PLXNA4: variants seen among roughly 807,000 people sequenced by gnomAD.
PLXNA4 encodes plexin A4, also known as plexin-A4.
PLXNA4 carries 44 observed loss-of-function variants against 191.8 expected under a neutral mutation model. That is an observed-to-expected ratio of 0.23 (90% CI 0.18 to 0.29). The LOEUF (loss-of-function observed/expected upper bound fraction) is 0.29. Ranked by LOEUF, PLXNA4 falls within the 10% of genes least tolerant of loss-of-function variation. PLXNA4 has a pLI of 1.00. For missense variants in PLXNA4, 1,800 were observed against 2,488.8 expected, an observed-to-expected ratio of 0.72 and a Z score of 5.89; for synonymous variants, 1,082 against 1,009.5, an observed-to-expected ratio of 1.07 and a Z score of -1.36.
At chr7:132,642,345 C>T (rs1479546352) in intron 2 of PLXNA4, among the ~76,000 whole-genome samples, 3 of 151,946 alleles carry the variant, frequency 2.0e-5, no homozygotes, top group Non-Finnish European at 4.4e-5. Context: ...ATTAAAATTC[C>T]TAACAGCATA....
chr7:132,368,676 T>C (rs1050010806), intron 3 of PLXNA4, among the ~76,000 whole-genome samples: 8 of 152,188 alleles, frequency 5.3e-5, no homozygotes, highest in Non-Finnish European at 1.2e-4. Context: ...CTGGGCACCA[T>C]GCCCGTCCCC....
chr7:132,618,061 C>A (rs974129040), intron 2 of PLXNA4, among the ~76,000 whole-genome samples: 2 of 152,170 alleles, frequency 1.3e-5, no homozygotes, highest in African/African-American at 4.8e-5. Flanking sequence ...CCAGAAATTG[C>A]CCACATCATT....
intron 1 of PLXNA4, among the ~76,000 whole-genome samples, chr7:132,572,080 C>T (rs930034120): frequency 2.6e-5 from 4 of 152,174 alleles, no homozygotes; most frequent in African/African-American, 9.7e-5. Flanking sequence ...TCCTCCCAAG[C>T]ACTCACCCAT....
chr7:132,281,508 T>C (rs1338042404), intron 4 of PLXNA4, among the ~76,000 whole-genome samples: 1 of 152,224 alleles, frequency 6.6e-6, no homozygotes, highest in African/African-American at 2.4e-5. Flanking sequence ...TTCCAAGTTT[T>C]AAAAGTTTTA....
At chr7:132,152,854 C>G (rs891648041) in intron 25 of PLXNA4, among the ~76,000 whole-genome samples, 1 of 152,204 alleles carries the variant, frequency 6.6e-6, no homozygotes, top group Non-Finnish European at 1.5e-5. Flanking sequence ...AGGACACCTA[C>G]AGTCCCATCT....
chr7:132,623,829 A>C (rs1302601792), intron 2 of PLXNA4, among the ~76,000 whole-genome samples: 2 of 152,228 alleles, frequency 1.3e-5, no homozygotes, highest in Non-Finnish European at 1.5e-5. Context: ...AGACCACCAA[A>C]TGTGAACCTG....
At chr7:132,602,499 C>A (rs143218380) in intron 2 of PLXNA4, among the ~76,000 whole-genome samples, 2 of 152,318 alleles carry the variant, frequency 1.3e-5, no homozygotes, top group Admixed American at 1.3e-4. Context: ...TCAAAATCAA[C>A]TTCAAAATCA....
intron 3 of PLXNA4, among the ~76,000 whole-genome samples, chr7:132,485,539 T>C (rs1797522625): frequency 6.6e-6 from 1 of 152,198 alleles, no homozygotes; most frequent in African/African-American, 2.4e-5. Flanking sequence ...CAAAGAAATC[T>C]CGTGCTTCTG....
At chr7:132,475,072 G>T (rs575368754) in intron 3 of PLXNA4, among the ~76,000 whole-genome samples, 232 of 152,284 alleles carry the variant, frequency 1.5e-3, no homozygotes, top group Non-Finnish European at 3.0e-3. Flanking sequence ...CTGGATGTCG[G>T]TTCCAAGATT....
chr7:132,578,967 T>C (rs1802348588), upstream of PLXNA4, among the ~76,000 whole-genome samples: 1 of 152,198 alleles, frequency 6.6e-6, no homozygotes, highest in Non-Finnish European at 1.5e-5. Context: ...CTACTGCCTC[T>C]TGAACATCCT....
intron 14 of PLXNA4, 147 bp downstream of exon 14, chr7:132,193,915 T>C (rs1797170109): frequency 9.6e-7 from 1 of 1,046,266 alleles, no homozygotes. Flanking sequence ...TCTCACTCAC[T>C]ATAAGACAGG....
intron 20 of PLXNA4, among the ~76,000 whole-genome samples, chr7:132,178,110 T>G (rs1055102925): frequency 6.6e-6 from 1 of 152,206 alleles, no homozygotes; most frequent in Non-Finnish European, 1.5e-5. Context: ...TGTTTGTAAT[T>G]TTTTTAATAC....
chr7:132,169,971 G>A (rs527293770), intron 21 of PLXNA4, among the ~76,000 whole-genome samples: 1 of 152,124 alleles, frequency 6.6e-6, no homozygotes, highest in East Asian at 1.9e-4. Context: ...TGGGAGGGAC[G>A]GCCTGGGGAG....
At chr7:132,372,789 G>A (rs948360704) in intron 3 of PLXNA4, among the ~76,000 whole-genome samples, 8 of 152,144 alleles carry the variant, frequency 5.3e-5, no homozygotes, top group Non-Finnish European at 7.3e-5. Flanking sequence ...CTCACCAACA[G>A]TATAATTTTG....
intron 10 of PLXNA4, among the ~76,000 whole-genome samples, chr7:132,210,243 G>A (rs759907612): frequency 3.9e-5 from 6 of 152,208 alleles, no homozygotes; most frequent in Non-Finnish European, 7.3e-5. Context: ...AGCTGGAAAG[G>A]CAACATGGCA....
intron 4 of PLXNA4, among the ~76,000 whole-genome samples, chr7:132,252,303 T>TTTG (rs1799278983): frequency 5.0e-5 from 1 of 20,132 alleles, no homozygotes; most frequent in African/African-American, 2.5e-4. Flanking sequence ...CTAAAAGTTT[T>TTTG]TTTTTTTTTT....
intron 1 of PLXNA4, among the ~76,000 whole-genome samples, chr7:132,575,802 T>G (rs1371608326): frequency 6.6e-6 from 1 of 152,340 alleles, no homozygotes; most frequent in East Asian, 1.9e-4. Flanking sequence ...GCGTTTGTGC[T>G]GCCTCTTACT....
At chr7:132,323,094 G>C (rs1296562208) in intron 3 of PLXNA4, among the ~76,000 whole-genome samples, 3 of 152,198 alleles carry the variant, frequency 2.0e-5, no homozygotes, top group African/African-American at 7.2e-5. Context: ...TCCGTTGGGG[G>C]AGAGACTCAT....
Position 132,125,806 on chromosome 7 carries a change from A to G in PLXNA4, c.*4673T>C, listed in dbSNP as rs1023522712. On this transcript the variant is annotated 3_prime_UTR_variant, in exon 32 of 32. Coordinates refer to ENST00000321063, the MANE Select transcript of PLXNA4 (RefSeq NM_020911.2). The stretch of plus-strand genomic sequence containing the variant: ...GTAGGTCTTCTCTGGGGGTCAGGTG[A>G]GCTCCTGGAGGTGACTCAGTCATGG... 10 of 151,990 alleles carry G rather than the reference A, an allele frequency of 6.6e-5. No individual in the cohort carries two copies. Among genetic ancestry groups the G allele is most frequent in the Non-Finnish European group, 1.5e-4 (10 of 68,110 alleles). The allele number at this position is 151,990 out of a possible 1,614,324, so 9.4% of individuals were successfully genotyped here. A position where few individuals can be genotyped will look rare whatever the true frequency, so the allele number is the denominator to read the frequency against.
Sources: allele counts gnomAD v4.1 joint callset (sites outside exome capture counted in the v4.1 genomes callset), GRCh38; gene constraint gnomAD v4.1.1; transcripts MANE v1.5; gene names NCBI Gene and HGNC (gene_info 2026-07-23, HGNC 2026-07-21).